SPEN: variants seen among roughly 807,000 people sequenced by gnomAD.
SPEN encodes the protein spen family transcriptional repressor, also known as msx2-interacting protein.
SPEN carries 18 observed loss-of-function variants against 269.9 expected under a neutral mutation model. The observed-to-expected ratio is 0.07, with a 90% CI of 0.05 to 0.10. The LOEUF (loss-of-function observed/expected upper bound fraction) is 0.10. Among genes scored for constraint, SPEN ranks in the 10% least tolerant of loss-of-function variants. SPEN has a pLI of 1.00. For missense variants in SPEN, 3,822 were observed against 4,631.2 expected, an observed-to-expected ratio of 0.83 and a Z score of 5.07; for synonymous variants, 1,726 against 1,765.7, an observed-to-expected ratio of 0.98 and a Z score of 0.56.
rs150903781 is a variant in SPEN at position 15,934,084 on chromosome 1, C to T, written c.7844C>T (p.Ala2615Val). ...ADKEKVAPVIAPKITSVISRM... is the reference protein window; with the variant it reads ...ADKEKVAPVIVPKITSVISRM... ...AAGGAAAAGGTGGCTCCAGTCATTGCTCCCAAAATTACCTCTGTTATTAGC... is the reference window on the plus strand; with the variant it reads ...AAGGAAAAGGTGGCTCCAGTCATTGTTCCCAAAATTACCTCTGTTATTAGC... The change falls in exon 11 of 15, where the codon GCT becomes GTT. Residue 2615 changes from alanine (A) to valine (V), a missense_variant. Transcript: ENST00000375759. The surrounding 1 kb of genome is among the most constrained non-coding windows in gnomAD (Gnocchi z 9.2). 380 of 1,610,278 alleles carry T rather than the reference C, an allele frequency of 2.4e-4. No individual in the cohort carries two copies. Among genetic ancestry groups the T allele is most frequent in the Non-Finnish European group, 3.0e-4 (355 of 1,177,096 alleles).
chr1:15,851,304 T>C (rs2070332796), intron 1 of SPEN, among the ~76,000 whole-genome samples: 1 of 152,192 alleles, frequency 6.6e-6, no homozygotes, highest in East Asian at 1.9e-4. Context: ...TAATAATAAA[T>C]CTGTTGTTAT....
Position 15,924,460 on chromosome 1 carries a change from A to AT in SPEN, c.1850+2121dup, listed in dbSNP as rs552167645. Among the ~76,000 whole-genome samples the AT allele has an allele frequency of 8.6e-3, 1,278 of 148,714 alleles. 8 individuals carry two copies. Among genetic ancestry groups the AT allele is most frequent in the Middle Eastern group, 0.021 (6 of 288 alleles). On this transcript the variant is annotated intron_variant, in intron 10 of 14. Transcript: ENST00000375759. ...TTTTGTATATTACTACTTAAAATCT[A>AT]TTTTTTTTTTGTTTTTTGAGACAGA... is the stretch of plus-strand genomic sequence containing the variant.
At position 15,936,217 on chromosome 1, in the gene SPEN, C is replaced by A; in HGVS notation, c.9977C>A (p.Pro3326His). The A allele has an allele frequency of 6.4e-7, 1 of 1,565,116 alleles. No individual in the cohort carries two copies. The highest frequency in any genetic ancestry group is 1.2e-5 in the South Asian group (1 of 84,418). Residue 3326 changes from proline (P) to histidine (H), a missense_variant, in exon 11 of 15, where the codon CCC becomes CAC. Coordinates refer to ENST00000375759, the MANE Select transcript of SPEN (RefSeq NM_015001.3). ...PPAQLTHTQF[P>H]AASSVGLPSR... ...GCCCAGCTCACACACACTCAGTTTC[C>A]CGCCGCTTCCTCTGTTGGCCTGCCT...
intron 3 of SPEN, among the ~76,000 whole-genome samples, chr1:15,879,114 A>G (rs1219215202): frequency 6.6e-6 from 1 of 151,568 alleles, no homozygotes; most frequent in Non-Finnish European, 1.5e-5. Flanking sequence ...TGAGGTGGGT[A>G]GATCACTTGA....
chr1:15,913,450 CTTGATTGA>C (rs538138426), intron 5 of SPEN, among the ~76,000 whole-genome samples: 2 of 151,792 alleles, frequency 1.3e-5, no homozygotes, highest in African/African-American at 4.8e-5. Context: ...TGGCTCACAC[CTTGATTGA>C]TTGATTGATT....
chr1:15,929,815 T>G lies in SPEN; in HGVS notation c.3575T>G (p.Phe1192Cys). The change falls in exon 11 of 15, where the codon TTT becomes TGT. Residue 1192 changes from phenylalanine (F) to cysteine (C), a missense_variant. Transcript: ENST00000375759. This position sits in a 1 kb window ranked among gnomAD's most constrained non-coding sequence, Gnocchi z 5.8. The stretch of plus-strand genomic sequence containing the variant: ...ATGGAAATAGCCAAGTCTGAGAAGT[T>G]TGGCAGTCCTAAAAAAGATGTAGAT... ...MEMEIAKSEK[F>C]GSPKKDVDEY... is the part of the protein sequence containing the mutation. 6.2e-7 allele frequency: 1 copy of G among 1,614,092 alleles called. No individual in the cohort carries two copies. Among genetic ancestry groups the G allele is most frequent in the Non-Finnish European group, 8.5e-7 (1 of 1,180,020 alleles).
chr1:15,901,030 C>A (rs1023964138), intron 3 of SPEN, among the ~76,000 whole-genome samples: 1 of 151,828 alleles, frequency 6.6e-6, no homozygotes, highest in Non-Finnish European at 1.5e-5. Context: ...TTGATTATTT[C>A]CTTGTTATTT....
In SPEN at chr1:15,898,684, C is replaced by T. The variant is rs1043734485; in HGVS notation, c.882-10637C>T. 5.9e-5 allele frequency among the ~76,000 whole-genome samples: 9 copies of T among 151,732 alleles called. No individual in the cohort carries two copies. The East Asian group carries it at 9.7e-4, about 16-fold the overall frequency. On this transcript the variant is annotated intron_variant, in intron 3 of 14. Transcript: ENST00000375759. ...AAGCGATTCTCCTGCCTCAGCCTCC[C>T]GAGTAGCTGGGATTACAGGCATGTG...
rs1165259044 is a variant in SPEN, at chr1:15,931,456, G to T, written c.5216G>T (p.Gly1739Val). ...PYLDAKPPTP[G>V]ASFSQAESNV... Reference sequence around the variant, plus strand: ...CTGGATGCCAAGCCTCCAACTCCCGGGGCCTCGTTTTCCCAGGCAGAGAGC... The same window carrying T: ...CTGGATGCCAAGCCTCCAACTCCCGTGGCCTCGTTTTCCCAGGCAGAGAGC... Residue 1739 changes from glycine (G) to valine (V), a missense_variant, in exon 11 of 15, where the codon GGG (glycine) becomes GTG (valine). Transcript: ENST00000375759. This position sits in a 1 kb window ranked among gnomAD's most constrained non-coding sequence, Gnocchi z 4.8. 1 of 1,613,962 alleles carries T rather than the reference G, an allele frequency of 6.2e-7. No homozygotes were observed. Among genetic ancestry groups the T allele is most frequent in the Non-Finnish European group, 8.5e-7 (1 of 1,180,030 alleles).
chr1:15,894,261 T>C (rs1419474350), intron 3 of SPEN, among the ~76,000 whole-genome samples: 5 of 152,232 alleles, frequency 3.3e-5, no homozygotes, highest in African/African-American at 9.6e-5. Context: ...TCATCTTTTT[T>C]GTCTCTTAAA....
At chr1:15,873,945 G>C (rs2070606779) in intron 2 of SPEN, 9 of 1,175,820 alleles carry the variant, frequency 7.7e-6, no homozygotes, top group Admixed American at 7.5e-5. Flanking sequence ...CTTTAGCTTT[G>C]AACACATGGT....
chr1:15,893,166 T>C (rs1256034363), intron 3 of SPEN, among the ~76,000 whole-genome samples: 7 of 152,212 alleles, frequency 4.6e-5, no homozygotes, highest in Non-Finnish European at 4.4e-5. Flanking sequence ...CTAGTACTTT[T>C]GATAGAGGTT....
rs979125450 is a variant in SPEN at position 15,938,469 on chromosome 1, TG to T, written c.10705-243del. On this transcript the variant is annotated intron_variant, in intron 13 of 14. Coordinates refer to ENST00000375759, the MANE Select transcript of SPEN (RefSeq NM_015001.3). ...AAGGGTCCACTATGCTTCTACTTGG[TG>T]GGGGGATGTAAAGTACCTCTAGACC... 260 of 383,850 alleles carry T rather than the reference TG, an allele frequency of 6.8e-4. 1 individual carries two copies. The highest frequency in any genetic ancestry group is 1.0e-3 in the Non-Finnish European group (217 of 214,670). 23.8% of individuals were successfully genotyped at this position (383,850 alleles called of 1,614,324 possible). A position where few individuals can be genotyped will look rare whatever the true frequency, so the allele number is the denominator to read the frequency against.
At chr1:15,916,508 C>CT (rs1450539997) in intron 6 of SPEN, among the ~76,000 whole-genome samples, 1 of 140,750 alleles carries the variant, frequency 7.1e-6, no homozygotes, top group African/African-American at 2.7e-5. Context: ...ATTTTCTTAC[C>CT]TCTTTTTTTT....
intron 6 of SPEN, among the ~76,000 whole-genome samples, chr1:15,917,019 T>C (rs2071073157): frequency 6.6e-6 from 1 of 152,142 alleles, no homozygotes; most frequent in African/African-American, 2.4e-5. Context: ...TCCCAGCTAC[T>C]CAGGCGGCTG....
chr1:15,861,194 T>A (rs895332445), intron 1 of SPEN, among the ~76,000 whole-genome samples: 1 of 148,732 alleles, frequency 6.7e-6, no homozygotes, highest in African/African-American at 2.5e-5. Context: ...GTGCAGATGG[T>A]GTGGTCTCGG....
Position 15,931,545 on chromosome 1 carries a change from G to A in SPEN, c.5305G>A (p.Ala1769Thr). Residue 1769 changes from alanine to threonine, a missense_variant, in exon 11 of 15, where the codon GCC becomes ACC. Ala to Thr is a moderately conservative substitution (Grantham distance 58). This residue lies in a region of SPEN where 533 missense variants were observed against 618.8 expected (regional missense o/e 0.86). Coordinates refer to ENST00000375759, the MANE Select transcript of SPEN (RefSeq NM_015001.3). This position sits in a 1 kb window ranked among gnomAD's most constrained non-coding sequence, Gnocchi z 4.8. ...AAAACCAGCTCAGAAGTCTGAGGAA[G>A]CCAATGAGCCAAAGGCCGAAAAGCC... is the stretch of plus-strand genomic sequence containing the variant. ...LSKPAQKSEE[A>T]NEPKAEKPDA... 1 of 1,614,160 alleles carries A rather than the reference G, an allele frequency of 6.2e-7. No homozygotes were observed.
rs1557760629 is a variant in SPEN, at chr1:15,932,564, G to T, written c.6324G>T (p.Gln2108His). 2 of 1,601,566 alleles carry T rather than the reference G, an allele frequency of 1.2e-6. No individual in the cohort carries two copies. Among genetic ancestry groups the T allele is most frequent in the Non-Finnish European group, 1.7e-6 (2 of 1,172,292 alleles). ...TCAGTCCCAGGGGGGCTGCAGCACA[G>T]GCAGGGGAGAGGGAATCTGGGGTGG... Reference protein sequence around the residue: ...AAVSPRGAAAQAGERESGVVA... With the variant: ...AAVSPRGAAAHAGERESGVVA... Residue 2108 changes from glutamine (Q) to histidine (H), a missense_variant, in exon 11 of 15, where the codon CAG becomes CAT. Gln to His is a conservative substitution (Grantham distance 24). Around this residue, in one of 16 missense-constraint regions of SPEN, gnomAD observed 727 missense variants for 737.9 expected, o/e 0.99. Transcript: ENST00000375759. This position sits in a 1 kb window ranked among gnomAD's most constrained non-coding sequence, Gnocchi z 4.2.
At chr1:15,916,338 G>A (rs1053125603) in intron 6 of SPEN, 59 bp downstream of exon 6, 1 of 1,508,022 alleles carries the variant, frequency 6.6e-7, no homozygotes, top group African/African-American at 1.4e-5. Flanking sequence ...ATAAAGCATA[G>A]TACAGATTAT....
Sources: allele counts gnomAD v4.1 joint callset (sites outside exome capture counted in the v4.1 genomes callset), GRCh38; gene constraint gnomAD v4.1.1; regional missense constraint gnomAD v4.1.1; non-coding constraint Gnocchi (gnomAD v3.1); transcripts MANE v1.5; gene names NCBI Gene and HGNC (gene_info 2026-07-23, HGNC 2026-07-21).